The following GPR155 variants were observed in gnomAD, a reference collection of about 807,000 sequenced individuals.
GPR155 encodes the protein lysosomal cholesterol signaling protein.
A neutral mutation model predicts 93.1 loss-of-function variants in GPR155; 65 were observed. The observed-to-expected ratio is 0.70, with a 90% CI of 0.57 to 0.86. The LOEUF is 0.86. GPR155 is among the 40% of genes least tolerant of loss of function. GPR155 has a pLI of 0.00. For missense variants in GPR155, 838 were observed against 1,034.8 expected (o/e 0.81, Z 2.61); for synonymous variants, 319 against 360.1 (o/e 0.89, Z 1.29).
intron 10 of GPR155, among the ~76,000 whole-genome samples, chr2:174,455,845 T>C (rs1687501040): frequency 6.6e-6 from 1 of 152,144 alleles, no homozygotes; most frequent in Non-Finnish European, 1.5e-5. Context: ...GTAAATAATT[T>C]TTTATTTTTT....
chr2:174,462,170 T>G (rs1687715686), intron 7 of GPR155, among the ~76,000 whole-genome samples: 1 of 152,144 alleles, frequency 6.6e-6, no homozygotes, highest in Non-Finnish European at 1.5e-5. Context: ...ACTCCTGAGC[T>G]CAGTGGATCC....
At chr2:174,465,354 TGAGGAAA>T (rs1469646585) in intron 7 of GPR155, among the ~76,000 whole-genome samples, 4 of 152,216 alleles carry the variant, frequency 2.6e-5, no homozygotes, top group Admixed American at 6.5e-5. Flanking sequence ...GTTTTACAAA[TGAGGAAA>T]CTGAGGCTTC....
rs763682212 is a variant in GPR155, at chr2:174,473,117, C to A, written c.708G>T (p.Lys236Asn). ...GIAFNFILDR[K>N]VPVYVENFLD... ...GAAAATTTTCGACATATACAGGTAC[C>A]TTTCGATCAAGAATAAAATTGAAGG... Residue 236 changes from lysine to asparagine, a missense_variant, in exon 3 of 16, where the codon AAG (lysine) becomes AAT (asparagine). Lys to Asn is a moderately conservative substitution (Grantham distance 94). This residue lies in a region of GPR155 where 663 missense variants were observed against 790.1 expected (regional missense o/e 0.84). Coordinates refer to ENST00000392552, the MANE Select transcript of GPR155 (RefSeq NM_152529.7). 12 of 1,610,390 alleles carry A rather than the reference C, an allele frequency of 7.5e-6. No homozygotes were observed. Among genetic ancestry groups the A allele is most frequent in the Non-Finnish European group, 1.0e-5 (12 of 1,179,234 alleles).
rs1485005204 is a variant in GPR155, at chr2:174,481,572, T to C, written c.385A>G (p.Ser129Gly). ...VLTLLVASPD[S>G]RFSKAGLFPI... is the part of the protein sequence containing the mutation. Reference sequence around the variant, plus strand: ...AATAGTCCAGCTTTGCTAAATCGACTATCAGGACTGGCAACCAATAAGGTT... The same window carrying C: ...AATAGTCCAGCTTTGCTAAATCGACCATCAGGACTGGCAACCAATAAGGTT... Residue 129 changes from serine to glycine, a missense_variant, in exon 2 of 16, where the codon AGT (serine) becomes GGT (glycine). Ser to Gly is a moderately conservative substitution (Grantham distance 56). Transcript: ENST00000392552. 2.5e-6 allele frequency: 4 copies of C among 1,613,466 alleles called. No individual in the cohort carries two copies. The highest frequency in any genetic ancestry group is 3.4e-6 in the Non-Finnish European group (4 of 1,179,912).
chr2:174,445,471 C>G (rs1687093341), intron 12 of GPR155: 1 of 206,118 alleles, frequency 4.9e-6, no homozygotes, highest in Non-Finnish European at 9.6e-6. Context: ...CTAAGACAGG[C>G]CTGATTTTAA....
Position 174,481,853 on chromosome 2 carries a change from G to T in GPR155, c.104C>A (p.Pro35His), listed in dbSNP as rs1240797905. Residue 35 changes from proline to histidine, a missense_variant, in exon 2 of 16, where the codon CCT becomes CAT. By Grantham distance (77) the Pro-to-His change is moderately conservative. Transcript: ENST00000392552. ...AAAAAGCCTTGTAATTGACATTGAAGGTGGGTCATTAGTGGAATTAAATCC... is the reference window on the plus strand; with the variant it reads ...AAAAAGCCTTGTAATTGACATTGAATGTGGGTCATTAGTGGAATTAAATCC... Reference protein sequence around the residue: ...THGFNSTNDPPSMSITRLFPA... With the variant: ...THGFNSTNDPHSMSITRLFPA... The T allele has an allele frequency of 1.2e-6, 2 of 1,614,110 alleles. No homozygotes were observed.
chr2:174,436,050 C>T lies in GPR155; in HGVS notation c.*66G>A, dbSNP rs1310861395. 13 of 1,389,170 alleles carry T rather than the reference C, an allele frequency of 9.4e-6. No homozygotes were observed. In the East Asian group the frequency reaches 2.8e-4, roughly 29 times the overall value. The allele number at this position is 1,389,170 out of a possible 1,614,324, so 86.1% of individuals were successfully genotyped here. A position where few individuals can be genotyped will look rare whatever the true frequency, so the allele number is the denominator to read the frequency against. On this transcript the variant is annotated 3_prime_UTR_variant, in exon 16 of 16. Coordinates refer to ENST00000392552, the MANE Select transcript of GPR155 (RefSeq NM_152529.7). ...GCCTCTGTTAACTTGCCCAAGGTCA[C>T]CCAGCTAAAAACTAATGAATACGCG...
Position 174,472,994 on chromosome 2 carries a change from T to C in GPR155, c.831A>G (p.Val277=). 26 of 1,592,678 alleles carry C rather than the reference T, an allele frequency of 1.6e-5. No individual in the cohort carries two copies. Among genetic ancestry groups the C allele is most frequent in the Non-Finnish European group, 2.2e-5 (26 of 1,175,110 alleles). The change falls in exon 3 of 16, where the codon GTA becomes GTG. Residue 277 remains valine, a synonymous_variant. Coordinates refer to ENST00000392552, the MANE Select transcript of GPR155 (RefSeq NM_152529.7). ...TAGCTGTGATGAGAAGAATTAGTACTACAAATGCCGACTTCTTCAGTCTCT... is the reference window on the plus strand; with the variant it reads ...TAGCTGTGATGAGAAGAATTAGTACCACAAATGCCGACTTCTTCAGTCTCT... ...KIKRLKKSAF[V]VLILLITAKL...
intron 1 of GPR155, among the ~76,000 whole-genome samples, chr2:174,485,599 G>GA (rs568658592): frequency 0.035 from 2,143 of 61,242 alleles, 47 homozygotes; most frequent in African/African-American, 0.084. Flanking sequence ...TCCGTCTCAA[G>GA]AAAAAAAAAA....
At chr2:174,480,537 T>G (rs1369126327) in intron 2 of GPR155, among the ~76,000 whole-genome samples, 1 of 152,196 alleles carries the variant, frequency 6.6e-6, no homozygotes, top group Non-Finnish European at 1.5e-5. Flanking sequence ...CAGAGTGTTC[T>G]GAAATATAGA....
At chr2:174,468,775 C>T in intron 5 of GPR155, 137 bp downstream of exon 5, 1 of 757,032 alleles carries the variant, frequency 1.3e-6, no homozygotes, top group African/African-American at 1.8e-5. Context: ...AATCAGAAGG[C>T]TGACATTATA....
chr2:174,437,348 GAATA>G (rs1485736968), intron 15 of GPR155, among the ~76,000 whole-genome samples: 1 of 152,000 alleles, frequency 6.6e-6, no homozygotes, highest in Non-Finnish European at 1.5e-5. Context: ...CACCATAAAT[GAATA>G]TTCATTAGAG....
Position 174,436,278 on chromosome 2 carries a change from A to G in GPR155, c.2451T>C (p.His817=), listed in dbSNP as rs200240345. ...DRLVQGGVIQ[H]ITNEYEFRDE... ...CCCGGAATTCATACTCGTTGGTAAT[A>G]TGTTGGATGACTCCCCCTTGTACCA... is the stretch of plus-strand genomic sequence containing the variant. The change falls in exon 16 of 16, where the codon CAT becomes CAC. Residue 817 remains histidine, a synonymous_variant. Transcript: ENST00000392552. 1.6e-5 allele frequency: 26 copies of G among 1,614,166 alleles called. No homozygotes were observed. In the East Asian group the frequency reaches 5.6e-4, roughly 35 times the overall value.
rs1259481831 is a variant in GPR155 at position 174,446,765 on chromosome 2, C to T, written c.1877-18G>A. The T allele has an allele frequency of 6.2e-7, 1 of 1,609,796 alleles. No individual in the cohort carries two copies. The highest frequency in any genetic ancestry group is 1.7e-5 in the Admixed American group (1 of 58,874). Reference sequence around the variant, plus strand: ...ATGATTGTCTATAAAAGAGTAAGCACAACAATTTGTAATCAGAGCTTTTTA... The same window carrying T: ...ATGATTGTCTATAAAAGAGTAAGCATAACAATTTGTAATCAGAGCTTTTTA... On this transcript the variant is annotated intron_variant, in intron 11 of 15. Transcript: ENST00000392552.
chr2:174,440,821 C>A (rs1160050204), intron 14 of GPR155, among the ~76,000 whole-genome samples: 1 of 152,110 alleles, frequency 6.6e-6, no homozygotes, highest in Non-Finnish European at 1.5e-5. Context: ...ATAAAGAAAT[C>A]CCTGATCTTA....
At chr2:174,457,461 C>T (rs1386225003) in intron 10 of GPR155, among the ~76,000 whole-genome samples, 3 of 152,134 alleles carry the variant, frequency 2.0e-5, no homozygotes, top group Admixed American at 6.5e-5. Flanking sequence ...GAAGTCCTGT[C>T]TTAGACTTTT....
At chr2:174,436,492 A>G (rs1488224786) in intron 15 of GPR155, 76 bp from the exon 16 acceptor site, 2 of 1,364,116 alleles carry the variant, frequency 1.5e-6, no homozygotes, top group Admixed American at 2.0e-5. Flanking sequence ...ACAAGCAAGA[A>G]AAAATAGAAG....
Position 174,470,491 on chromosome 2 carries a change from T to G in GPR155, c.925A>C (p.Asn309His), listed in dbSNP as rs1209226566. Residue 309 changes from asparagine (N) to histidine (H), a missense_variant, in exon 4 of 16, where the codon AAC becomes CAC. By Grantham distance (68) the Asn-to-His change is moderately conservative. Transcript: ENST00000392552. ...ELLDKGDSVV[N>H]HTSLSNYAFL... Reference sequence around the variant, plus strand: ...GCATAATTTGATAAACTTGTATGGTTCACCACACTGTCGCCCTTGTCCAAG... The same window carrying G: ...GCATAATTTGATAAACTTGTATGGTGCACCACACTGTCGCCCTTGTCCAAG... The G allele has an allele frequency of 6.2e-7, 1 of 1,613,700 alleles. No individual in the cohort carries two copies. Among genetic ancestry groups the G allele is most frequent in the Non-Finnish European group, 8.5e-7 (1 of 1,179,720 alleles).
At position 174,473,243 on chromosome 2, in the gene GPR155, T is replaced by C. The variant is rs1459466716; in HGVS notation, c.582A>G (p.Lys194=). 1 of 1,613,778 alleles carries C rather than the reference T, an allele frequency of 6.2e-7. No homozygotes were observed. The highest frequency in any genetic ancestry group is 1.3e-5 in the African/African-American group (1 of 74,922). The part of the protein sequence containing the change: ...GFIFCEIQKW[K]DTQNASQNKI... ...TATTTTGAGAAGCATTTTGAGTGTCTTTCCACTTTTGGATTTCACAGAAAA... is the reference window on the plus strand; with the variant it reads ...TATTTTGAGAAGCATTTTGAGTGTCCTTCCACTTTTGGATTTCACAGAAAA... Residue 194 remains lysine, a synonymous_variant, in exon 3 of 16, where the codon AAA becomes AAG. Coordinates refer to ENST00000392552, the MANE Select transcript of GPR155 (RefSeq NM_152529.7).
Sources: allele counts gnomAD v4.1 joint callset (sites outside exome capture counted in the v4.1 genomes callset), GRCh38; gene constraint gnomAD v4.1.1; regional missense constraint gnomAD v4.1.1; transcripts MANE v1.5; gene names NCBI Gene and HGNC (gene_info 2026-07-23, HGNC 2026-07-21).